Variants in TFCP2 observed in about 807,000 individuals in gnomAD.
TFCP2 encodes the protein alpha-globin transcription factor CP2.
Under a neutral mutation model 73.4 loss-of-function variants are expected in TFCP2, and 33 were observed. That is an observed-to-expected ratio of 0.45 (90% CI 0.34 to 0.60). TFCP2 has a LOEUF of 0.60. TFCP2 is among the 20% of genes least tolerant of loss of function. The probability of loss-of-function intolerance (pLI) is 0.01; values close to 1 mark genes in which losing one functional copy is unlikely to be tolerated. For synonymous variants in TFCP2, 193 were observed against 211.6 expected, an observed-to-expected ratio of 0.91 and a Z score of 0.76; for missense variants, 352 against 604.0, an observed-to-expected ratio of 0.58 and a Z score of 4.37.
At chr12:51,095,414 C>T (rs1338440616) in intron 14 of TFCP2, 136 bp from the exon 15 acceptor site, 1 of 865,730 alleles carries the variant, frequency 1.2e-6, no homozygotes, top group East Asian at 2.5e-5. Context: ...GATCACGCCA[C>T]TGGACTCCAG....
chr12:51,127,738 C>T (rs1156354960), intron 1 of TFCP2, among the ~76,000 whole-genome samples: 1 of 152,104 alleles, frequency 6.6e-6, no homozygotes, highest in Non-Finnish European at 1.5e-5. Context: ...AATAAGGAGA[C>T]TGTCAAAGGG....
At chr12:51,129,509 C>T (rs1364906164) in intron 1 of TFCP2, among the ~76,000 whole-genome samples, 13 of 80,638 alleles carry the variant, frequency 1.6e-4, no homozygotes, top group Admixed American at 6.4e-4. Flanking sequence ...TGAAAGACCC[C>T]GTCTCAAAAA....
At chr12:51,145,124 C>A (rs1405192796) in intron 1 of TFCP2, among the ~76,000 whole-genome samples, 2 of 149,838 alleles carry the variant, frequency 1.3e-5, no homozygotes, top group Non-Finnish European at 3.0e-5. Context: ...TCGCTTGAAC[C>A]TGGGAGGCAG....
At chr12:51,134,527 C>A (rs936654544) in intron 1 of TFCP2, among the ~76,000 whole-genome samples, 26 of 152,150 alleles carry the variant, frequency 1.7e-4, no homozygotes, top group African/African-American at 5.1e-4. Flanking sequence ...CTCAAGCGAT[C>A]CGCCAGCCTC....
intron 1 of TFCP2, among the ~76,000 whole-genome samples, chr12:51,119,354 T>C (rs1339011695): frequency 2.0e-5 from 3 of 152,188 alleles, no homozygotes; most frequent in Non-Finnish European, 4.4e-5. Flanking sequence ...CACATACCCA[T>C]CCTTTGTCAG....
intron 1 of TFCP2, among the ~76,000 whole-genome samples, chr12:51,126,379 G>C (rs536237113): frequency 6.6e-6 from 1 of 152,194 alleles, no homozygotes; most frequent in African/African-American, 2.4e-5. Flanking sequence ...GAGTGAAAGA[G>C]GAACAGAAGC....
At chr12:51,136,775 A>G (rs1941072137) in intron 1 of TFCP2, among the ~76,000 whole-genome samples, 1 of 152,120 alleles carries the variant, frequency 6.6e-6, no homozygotes, top group South Asian at 2.1e-4. Context: ...ATCTCTACTA[A>G]AAGTATAAAA....
intron 1 of TFCP2, among the ~76,000 whole-genome samples, chr12:51,131,096 G>A (rs1172929193): frequency 6.6e-6 from 1 of 151,820 alleles, no homozygotes; most frequent in Non-Finnish European, 1.5e-5. Context: ...TTGAGAGGCC[G>A]AGGCGGGCGG....
At chr12:51,130,616 T>C (rs916206967) in intron 1 of TFCP2, among the ~76,000 whole-genome samples, 7 of 152,168 alleles carry the variant, frequency 4.6e-5, no homozygotes, top group Non-Finnish European at 1.0e-4. Flanking sequence ...CCATCTGCTA[T>C]AGAAGGCAGA....
chr12:51,135,930 T>G (rs1390520523), intron 1 of TFCP2, among the ~76,000 whole-genome samples: 2 of 152,158 alleles, frequency 1.3e-5, no homozygotes, highest in African/African-American at 4.8e-5. Flanking sequence ...TTTTCTTTTT[T>G]GAATTCATCA....
chr12:51,101,829 TG>T, intron 11 of TFCP2, 105 bp downstream of exon 11: 1 of 636,574 alleles, frequency 1.6e-6, no homozygotes, highest in Non-Finnish European at 2.7e-6. Flanking sequence ...TTAAAACAAA[TG>T]TTTTGAGAAG....
intron 1 of TFCP2, chr12:51,124,867 C>A: frequency 7.7e-7 from 1 of 1,296,238 alleles, no homozygotes; most frequent in Non-Finnish European, 1.1e-6. Flanking sequence ...TTGGCTTCCA[C>A]TGCTTCTGTG....
At chr12:51,095,430 G>A (rs1345678788) in intron 14 of TFCP2, 152 bp from the exon 15 acceptor site, 2 of 739,806 alleles carry the variant, frequency 2.7e-6, no homozygotes, top group African/African-American at 1.8e-5. Context: ...TCCAGCTTGG[G>A]CAACAAGAGC....
intron 1 of TFCP2, among the ~76,000 whole-genome samples, chr12:51,153,327 G>A (rs1941467913): frequency 6.6e-6 from 1 of 152,064 alleles, no homozygotes; most frequent in African/African-American, 2.4e-5. Flanking sequence ...AGTGAATTGT[G>A]ATTGTGCCAC....
chr12:51,151,687 C>T (rs1043003747), intron 1 of TFCP2, among the ~76,000 whole-genome samples: 19 of 152,266 alleles, frequency 1.2e-4, no homozygotes, highest in African/African-American at 3.1e-4. Flanking sequence ...CCGCCCGCCT[C>T]GGCCTCCCAA....
chr12:51,096,784 A>G (rs1939974354), intron 13 of TFCP2, among the ~76,000 whole-genome samples: 1 of 152,160 alleles, frequency 6.6e-6, no homozygotes, highest in Non-Finnish European at 1.5e-5. Context: ...CAAGTCCCTC[A>G]GCATTTATAT....
At chr12:51,097,562 A>G (rs545384755) in intron 13 of TFCP2, among the ~76,000 whole-genome samples, 5 of 152,238 alleles carry the variant, frequency 3.3e-5, no homozygotes, top group African/African-American at 1.2e-4. Flanking sequence ...CTTAATCTTT[A>G]ATAATTACTT....
chr12:51,103,761 G>A lies in TFCP2; in HGVS notation c.969C>T (p.Asn323=). The A allele has an allele frequency of 6.2e-7, 1 of 1,612,168 alleles. No homozygotes were observed. Among genetic ancestry groups the A allele is most frequent in the South Asian group, 1.1e-5 (1 of 90,668 alleles). ...CCTGAGGTGTGGTTGTTGGTAAGAG[G>A]TTCTGAAAGGGAGAGCACGTTTTTT... is the stretch of plus-strand genomic sequence containing the variant. ...QPEPPPPVTD[N]LLPTTTPQEA... is the part of the protein sequence containing the mutation. The change falls in exon 10 of 15, where the codon AAC becomes AAT. Residue 323 remains asparagine, a splice_region_variant and synonymous_variant. Transcript: ENST00000257915.
At chr12:51,123,194 A>T (rs1433699336) in intron 1 of TFCP2, among the ~76,000 whole-genome samples, 2 of 152,258 alleles carry the variant, frequency 1.3e-5, no homozygotes, top group African/African-American at 4.8e-5. Flanking sequence ...AATTAACTCA[A>T]AACAGTACAG....
Sources: allele counts gnomAD v4.1 joint callset (sites outside exome capture counted in the v4.1 genomes callset), GRCh38; gene constraint gnomAD v4.1.1; transcripts MANE v1.5; gene names NCBI Gene and HGNC (gene_info 2026-07-23, HGNC 2026-07-21).